MED25: variants seen among roughly 807,000 people sequenced by gnomAD.
The protein encoded by MED25 is mediator of RNA polymerase II transcription subunit 25.
MED25 carries 62 observed loss-of-function variants against 89.4 expected under a neutral mutation model. The observed-to-expected ratio is 0.69, with a 90% CI of 0.57 to 0.86. The LOEUF (loss-of-function observed/expected upper bound fraction) is 0.86. Among genes scored for constraint, MED25 ranks in the 40% least tolerant of loss-of-function variants. The pLI, the probability that MED25 is intolerant of heterozygous loss-of-function variation, is 0.00. For missense variants in MED25, 905 were observed against 1,005.2 expected, an observed-to-expected ratio of 0.90 and a Z score of 1.35; for synonymous variants, 449 against 427.9, an observed-to-expected ratio of 1.05 and a Z score of -0.61.
At chr19:49,826,306 C>T (rs2074015060) in intron 3 of MED25, among the ~76,000 whole-genome samples, 1 of 152,174 alleles carries the variant, frequency 6.6e-6, no homozygotes. Context: ...TGCCTCTGCC[C>T]TCCAGCCTGG....
chr19:49,836,098 G>C lies in MED25; in HGVS notation c.1966-128G>C. On this transcript the variant is annotated intron_variant, in intron 16 of 17. Transcript: ENST00000312865. This position sits in a 1 kb window ranked among gnomAD's most constrained non-coding sequence, Gnocchi z 5.1. ...GCAGAAGGCAGACCGCCTCCTCTCC[G>C]TCCATCCCCCACCTTTGAAGAAAAA... 1.3e-6 allele frequency: 2 copies of C among 1,511,504 alleles called. No homozygotes were observed. Among genetic ancestry groups the C allele is most frequent in the Admixed American group, 1.9e-5 (1 of 51,572 alleles). 93.6% of individuals were successfully genotyped at this position (1,511,504 alleles called of 1,614,324 possible).
intron 3 of MED25, among the ~76,000 whole-genome samples, chr19:49,822,640 CTTTTT>C (rs536060694): frequency 0.016 from 1,090 of 68,306 alleles, 4 homozygotes; most frequent in Middle Eastern, 0.029. Flanking sequence ...CTGTTACATT[CTTTTT>C]TTTTTTTTTT....
chr19:49,820,446 A>G (rs940948013), intron 3 of MED25, among the ~76,000 whole-genome samples: 6 of 152,254 alleles, frequency 3.9e-5, no homozygotes, highest in African/African-American at 1.4e-4. Context: ...GGCTTATCCC[A>G]TAACCTTCAC....
chr19:49,822,447 G>GT lies in MED25; in HGVS notation c.305+3159dup, dbSNP rs1280521255. On this transcript the variant is annotated intron_variant, in intron 3 of 17. Transcript: ENST00000312865. ...TGAGACCCTGTCTCAAAAAAAAATT[G>GT]TTTTTTTTGTGGAGACAAGGTCCTG... Among the ~76,000 whole-genome samples, 631 of 150,790 alleles carry GT rather than the reference G, an allele frequency of 4.2e-3. 8 individuals carry two copies. The highest frequency in any genetic ancestry group is 0.014 in the African/African-American group (565 of 41,114).
intron 3 of MED25, among the ~76,000 whole-genome samples, chr19:49,821,509 G>A (rs898321443): frequency 1.3e-5 from 2 of 152,236 alleles, no homozygotes; most frequent in African/African-American, 2.4e-5. Flanking sequence ...GCTCACGCCT[G>A]TAATCCCAGC....
Position 49,829,167 on chromosome 19 carries a change from C to A in MED25, c.525+77C>A. The A allele has an allele frequency of 7.5e-7, 1 of 1,336,828 alleles. No individual in the cohort carries two copies. Among genetic ancestry groups the A allele is most frequent in the Non-Finnish European group, 1.1e-6 (1 of 951,278 alleles). 82.8% of individuals were successfully genotyped at this position (1,336,828 alleles called of 1,614,324 possible). ...GTCTGAGGCAGGAGGCACTGAGGGC[C>A]TGGACTCCTGGGTCTGAGGGAGGAG... On this transcript the variant is annotated intron_variant, in intron 5 of 17. Transcript: ENST00000312865. This position sits in a 1 kb window ranked among gnomAD's most constrained non-coding sequence, Gnocchi z 4.6.
At position 49,830,110 on chromosome 19, in the gene MED25, C is replaced by G; in HGVS notation, c.711C>G (p.Gly237=). 6.2e-7 allele frequency: 1 copy of G among 1,607,484 alleles called. No individual in the cohort carries two copies. The highest frequency in any genetic ancestry group is 8.5e-7 in the Non-Finnish European group (1 of 1,177,790). The change falls in exon 7 of 18, where the codon GGC becomes GGG. Residue 237 remains glycine (G), a synonymous_variant. Transcript: ENST00000312865. The surrounding 1 kb of genome is among the most constrained non-coding windows in gnomAD (Gnocchi z 4.6). The stretch of plus-strand genomic sequence containing the variant: ...CAGTTGGGGGTGGCTCAGCCCCAGG[C>G]CCCCTCCAGTCAAAGCAGCCAGTCC... ...VLPVGGGSAP[G]PLQSKQPVPL...
intron 3 of MED25, 198 bp downstream of exon 3, chr19:49,819,494 A>G: frequency 1.6e-6 from 1 of 618,924 alleles, no homozygotes; most frequent in Middle Eastern, 4.4e-4. Context: ...TGAATGAGCG[A>G]TGGCTTGGGT....
chr19:49,823,177 C>T (rs1277352260), intron 3 of MED25, among the ~76,000 whole-genome samples: 2 of 152,188 alleles, frequency 1.3e-5, no homozygotes, highest in South Asian at 2.1e-4. Context: ...TGGTCTTGAA[C>T]TCCTGGCCTC....
In MED25 at chr19:49,835,946, G is replaced by A. The variant is rs1319767670; in HGVS notation, c.1965+1G>A. 1 of 1,612,870 alleles carries A rather than the reference G, an allele frequency of 6.2e-7. No homozygotes were observed. Among genetic ancestry groups the A allele is most frequent in the Non-Finnish European group, 8.5e-7 (1 of 1,179,974 alleles). On this transcript the variant is annotated splice_donor_variant, in intron 16 of 17. Transcript: ENST00000312865. LOFTEE classifies it high-confidence loss of function. This position sits in a 1 kb window ranked among gnomAD's most constrained non-coding sequence, Gnocchi z 6.2. ...AAGCCTCCTCCTCAACCCACCACCG[G>A]TGAGATGTTGGGGTGGGGTAGCGAG... is the stretch of plus-strand genomic sequence containing the variant.
At chr19:49,832,912 TC>T (rs2123883788) in intron 13 of MED25, 1 of 221,438 alleles carries the variant, frequency 4.5e-6, no homozygotes, top group Admixed American at 5.2e-5. Flanking sequence ...TCTTCCTCCA[TC>T]CCGCAGCTGT....
rs145653652 is a variant in MED25, at chr19:49,831,139, A to G, written c.1102-194A>G. On this transcript the variant is annotated intron_variant, in intron 9 of 17. Coordinates refer to ENST00000312865, the MANE Select transcript of MED25 (RefSeq NM_030973.4). The surrounding 1 kb of genome is among the most constrained non-coding windows in gnomAD (Gnocchi z 5.0). ...ATCCCTGGGTCTGGGAGTCCAGGGCATCGCACAGCTTACGAGTCCTCGAAT... is the reference window on the plus strand; with the variant it reads ...ATCCCTGGGTCTGGGAGTCCAGGGCGTCGCACAGCTTACGAGTCCTCGAAT... Among the ~76,000 whole-genome samples, 18 of 152,276 alleles carry G rather than the reference A, an allele frequency of 1.2e-4. No individual in the cohort carries two copies. Among genetic ancestry groups the G allele is most frequent in the African/African-American group, 3.6e-4 (15 of 41,556 alleles).
chr19:49,837,128 G>GTGC (rs1349244195), downstream of MED25: 4 of 655,954 alleles, frequency 6.1e-6, no homozygotes, highest in Admixed American at 9.2e-5. Context: ...AGGCAGTCTG[G>GTGC]TGCAACCTGA....
chr19:49,831,583 C>T lies in MED25; in HGVS notation c.1230+122C>T. 7.7e-7 allele frequency: 1 copy of T among 1,295,644 alleles called. No individual in the cohort carries two copies. The highest frequency in any genetic ancestry group is 2.4e-5 in the Admixed American group (1 of 41,346). 80.3% of individuals were successfully genotyped at this position (1,295,644 alleles called of 1,614,324 possible). On this transcript the variant is annotated intron_variant, in intron 10 of 17. Coordinates refer to ENST00000312865, the MANE Select transcript of MED25 (RefSeq NM_030973.4). The surrounding 1 kb of genome is among the most constrained non-coding windows in gnomAD (Gnocchi z 5.0). ...GCTGGGTTTGGAGGCATTCGTTGCG[C>T]TGGACCTGTGGGATGCGGGGCGAGG...
chr19:49,826,844 G>C (rs1408711625), intron 3 of MED25, among the ~76,000 whole-genome samples: 1 of 152,180 alleles, frequency 6.6e-6, no homozygotes, highest in African/African-American at 2.4e-5. Flanking sequence ...TCAGTTGAGA[G>C]GACCTATAGG....
At position 49,829,383 on chromosome 19, in the gene MED25, A is replaced by C. The variant is rs1232958683; in HGVS notation, c.525+293A>C. Among the ~76,000 whole-genome samples, 1 of 152,030 alleles carries C rather than the reference A, an allele frequency of 6.6e-6. No individual in the cohort carries two copies. Among genetic ancestry groups the C allele is most frequent in the Non-Finnish European group, 1.5e-5 (1 of 67,990 alleles). ...AGCCTCTGCCTCCAGGGTTCAAGCA[A>C]TTCTCATGTTTCAGCCTCCCGAGTA... On this transcript the variant is annotated intron_variant, in intron 5 of 17. Transcript: ENST00000312865. This position sits in a 1 kb window ranked among gnomAD's most constrained non-coding sequence, Gnocchi z 4.6.
chr19:49,832,169 TGGAGGGCCAGCCCTGCTGCC>T lies in MED25; in HGVS notation c.1374+15_1374+34del. The T allele has an allele frequency of 1.2e-6, 2 of 1,611,192 alleles. No homozygotes were observed. The highest frequency in any genetic ancestry group is 1.7e-6 in the Non-Finnish European group (2 of 1,179,716). Reference sequence around the variant, plus strand: ...CCCAGCAGCTGCTGGTGAGTGGCGGTGGAGGGCCAGCCCTGCTGCCGGGCAGTCCTCACCCTGCTGTCTCT... The same window carrying T: ...CCCAGCAGCTGCTGGTGAGTGGCGGTGGGCAGTCCTCACCCTGCTGTCTCT... On this transcript the variant is annotated intron_variant, in intron 12 of 17. Transcript: ENST00000312865.
Position 49,830,157 on chromosome 19 carries a change from C to T in MED25, c.758C>T (p.Ser253Leu). Residue 253 changes from serine to leucine, a missense_variant, in exon 7 of 18, where the codon TCA becomes TTA. Physicochemically the swap from Ser to Leu is moderately radical, Grantham distance 145. Coordinates refer to ENST00000312865, the MANE Select transcript of MED25 (RefSeq NM_030973.4). This position sits in a 1 kb window ranked among gnomAD's most constrained non-coding sequence, Gnocchi z 4.6. ...QPVPLPPAAP[S>L]GATLSAAPQQ... ...GTCCCCCTGCCTCCCGCCGCACCCT[C>T]AGGTGCCACTCTCTCAGCAGCCCCC... The T allele has an allele frequency of 1.3e-6, 2 of 1,596,818 alleles. No individual in the cohort carries two copies. Among genetic ancestry groups the T allele is most frequent in the African/African-American group, 2.7e-5 (2 of 74,720 alleles).
At chr19:49,828,615 G>A (rs1163582928) in intron 4 of MED25, 68 bp downstream of exon 4, 11 of 1,296,142 alleles carry the variant, frequency 8.5e-6, no homozygotes, top group Admixed American at 1.7e-5. Flanking sequence ...TTTGCCTGTC[G>A]AGTGGTTCTA....
Sources: gnomAD v4.1 joint callset for allele counts (sites outside exome capture counted in the v4.1 genomes callset) on GRCh38, gnomAD v4.1.1 for gene constraint, Gnocchi (gnomAD v3.1) non-coding constraint, MANE v1.5 for transcripts, NCBI Gene and HGNC (gene_info 2026-07-23, HGNC 2026-07-21) for gene names.